The following PSD3 variants were observed in gnomAD, a reference collection of about 807,000 sequenced individuals.
PSD3 encodes the protein pleckstrin and Sec7 domain containing 3.
Under a neutral mutation model 105.5 loss-of-function variants are expected in PSD3, and 49 were observed. That is an observed-to-expected ratio of 0.46 (90% CI 0.37 to 0.59). PSD3 has a LOEUF of 0.59. PSD3 is among the 20% of genes least tolerant of loss of function. PSD3 has a pLI of 0.00. For missense variants in PSD3, 1,561 were observed against 1,263.8 expected, an observed-to-expected ratio of 1.24 and a Z score of -3.57; for synonymous variants, 557 against 457.8, an observed-to-expected ratio of 1.22 and a Z score of -2.77.
At chr8:18,760,354 T>G (rs1329496491) in intron 9 of PSD3, among the ~76,000 whole-genome samples, 1 of 152,066 alleles carries the variant, frequency 6.6e-6, no homozygotes, top group Non-Finnish European at 1.5e-5. Context: ...CAAAGCTCTA[T>G]GATTTATTTA....
At chr8:19,013,755 C>T, upstream of PSD3, 1 of 334,388 alleles carries the variant, frequency 3.0e-6, no homozygotes, top group Non-Finnish European at 4.6e-6. Context: ...GGCTGCGAGC[C>T]CGCGGCAGCC....
At chr8:18,774,508 T>A (rs1326394389) in intron 8 of PSD3, 2 of 234,500 alleles carry the variant, frequency 8.5e-6, no homozygotes, top group African/African-American at 2.3e-5. Context: ...ACCTAACACC[T>A]TTTTTTTTCC....
At chr8:18,713,331 G>T (rs1229581097) in intron 9 of PSD3, among the ~76,000 whole-genome samples, 1 of 152,090 alleles carries the variant, frequency 6.6e-6, no homozygotes, top group Non-Finnish European at 1.5e-5. Flanking sequence ...AATAGGAAGA[G>T]AAGTCAAATT....
At chr8:18,571,106 C>A (rs1236224011) in intron 14 of PSD3, among the ~76,000 whole-genome samples, 1 of 152,004 alleles carries the variant, frequency 6.6e-6, no homozygotes, top group Non-Finnish European at 1.5e-5. Flanking sequence ...GGTGATCTGC[C>A]CACCTCGGCT....
chr8:18,772,545 G>T (rs992350390), intron 8 of PSD3, among the ~76,000 whole-genome samples: 1 of 151,962 alleles, frequency 6.6e-6, no homozygotes, highest in Non-Finnish European at 1.5e-5. Context: ...TTTTGCTCTC[G>T]TGGCCCAGGC....
chr8:19,025,238 A>G (rs113624662), intron 1 of PSD3, among the ~76,000 whole-genome samples: 54 of 152,192 alleles, frequency 3.5e-4, no homozygotes, highest in African/African-American at 1.1e-3. Context: ...TAGTTCATGG[A>G]ACACCCATAT....
At chr8:19,077,858 C>T (rs528520950) in intron 1 of PSD3, among the ~76,000 whole-genome samples, 2 of 152,062 alleles carry the variant, frequency 1.3e-5, no homozygotes, top group South Asian at 4.1e-4. Context: ...TAATCTCCAC[C>T]TTTTTGGTGT....
intron 15 of PSD3, among the ~76,000 whole-genome samples, chr8:18,540,942 G>A (rs751874796): frequency 1.3e-5 from 2 of 151,998 alleles, no homozygotes; most frequent in Non-Finnish European, 2.9e-5. Flanking sequence ...TCGAGGACCT[G>A]TGGAACTTGC....
intron 8 of PSD3, among the ~76,000 whole-genome samples, chr8:18,789,844 G>A (rs1440155386): frequency 5.9e-5 from 9 of 152,276 alleles, no homozygotes; most frequent in African/African-American, 1.9e-4. Context: ...AAGAAAGAGC[G>A]AAACTGACTT....
chr8:18,776,194 T>G (rs1005665200), intron 8 of PSD3, among the ~76,000 whole-genome samples: 1 of 150,652 alleles, frequency 6.6e-6, no homozygotes, highest in African/African-American at 2.4e-5. Flanking sequence ...TCTGTTCCAC[T>G]GACCAATGTG....
At chr8:18,596,182 A>T (rs187259329) in intron 12 of PSD3, among the ~76,000 whole-genome samples, 3 of 152,212 alleles carry the variant, frequency 2.0e-5, no homozygotes, top group Admixed American at 6.5e-5. Flanking sequence ...TCAAAAAGGA[A>T]ATTGGACAAT....
intron 1 of PSD3, among the ~76,000 whole-genome samples, chr8:19,047,871 G>A (rs1000997418): frequency 2.0e-5 from 3 of 152,078 alleles, no homozygotes; most frequent in African/African-American, 4.8e-5. Context: ...CCTCTTAGTC[G>A]GAAGCCCCTG....
At position 18,556,306 on chromosome 8, in the gene PSD3, G is replaced by T. The variant is rs560591711; in HGVS notation, c.2831C>A (p.Thr944Asn). 1.2e-6 allele frequency: 2 copies of T among 1,613,932 alleles called. No individual in the cohort carries two copies. The highest frequency in any genetic ancestry group is 8.5e-7 in the Non-Finnish European group (1 of 1,179,936). Residue 944 changes from threonine to asparagine, a missense_variant, in exon 15 of 16, where the codon ACC (threonine) becomes AAC (asparagine). By Grantham distance (65) the Thr-to-Asn change is moderately conservative. Coordinates refer to ENST00000327040, the MANE Select transcript of PSD3 (RefSeq NM_015310.4). ...ATATGAGCGGTGCTCGGCCAGCTCG[G>T]TGGTGATCTGCTTCAGCTTACTTTC... is the stretch of plus-strand genomic sequence containing the variant. ...SHESKLKQITTELAEHRSYPP... is the reference protein window; with the variant it reads ...SHESKLKQITNELAEHRSYPP...
chr8:18,978,429 G>A (rs1262358475), intron 1 of PSD3, among the ~76,000 whole-genome samples: 3 of 152,226 alleles, frequency 2.0e-5, no homozygotes, highest in East Asian at 3.8e-4. Context: ...AAAGGGAAAC[G>A]TGAGGTTATA....
chr8:18,957,248 G>C (rs945986943), intron 1 of PSD3, among the ~76,000 whole-genome samples: 11 of 152,032 alleles, frequency 7.2e-5, no homozygotes, highest in African/African-American at 2.7e-4. Flanking sequence ...GCGCGCGCCT[G>C]TAGTCCCAGC....
At chr8:18,545,749 C>A (rs1354029133) in intron 15 of PSD3, among the ~76,000 whole-genome samples, 1 of 152,170 alleles carries the variant, frequency 6.6e-6, no homozygotes, top group Admixed American at 6.5e-5. Flanking sequence ...TACTGGAATT[C>A]CCCGAAGTCA....
chr8:18,940,270 T>C (rs1408293657), intron 1 of PSD3: 3 of 152,338 alleles, frequency 2.0e-5, no homozygotes, highest in African/African-American at 7.2e-5. Context: ...TACTCTGTTG[T>C]ATATACGAAT....
At position 18,681,354 on chromosome 8, in the gene PSD3, C is replaced by T. The variant is rs73591525; in HGVS notation, c.2173-25669G>A. Among the ~76,000 whole-genome samples the T allele has an allele frequency of 9.6e-3, 1,456 of 151,112 alleles. 31 individuals carry two copies. Among genetic ancestry groups the T allele is most frequent in the African/African-American group, 0.034 (1,402 of 41,078 alleles). On this transcript the variant is annotated intron_variant, in intron 9 of 15. Transcript: ENST00000327040. ...GGGTGCAGTAGCTCGTGCCTATCATCCCAATACTTTGGGAGGCAGAGGTGG... is the reference window on the plus strand; with the variant it reads ...GGGTGCAGTAGCTCGTGCCTATCATTCCAATACTTTGGGAGGCAGAGGTGG...
intron 4 of PSD3, among the ~76,000 whole-genome samples, chr8:18,811,466 A>C (rs879644005): frequency 3.9e-5 from 6 of 152,200 alleles, no homozygotes; most frequent in Non-Finnish European, 8.8e-5. Context: ...AGGGGAGCTA[A>C]AAATAAAGAA....
Sources: gnomAD v4.1 joint callset for allele counts (sites outside exome capture counted in the v4.1 genomes callset) on GRCh38, gnomAD v4.1.1 for gene constraint, MANE v1.5 for transcripts, NCBI Gene and HGNC (gene_info 2026-07-23, HGNC 2026-07-21) for gene names.